The following C2CD3 variants were observed in gnomAD, a reference collection of about 807,000 sequenced individuals.
C2CD3 encodes C2 domain-containing protein 3.
In C2CD3, 148 loss-of-function variants were observed where a neutral mutation model predicts 234.0. The ratio of observed to expected loss-of-function variants is 0.63; its 90% CI spans 0.55 to 0.72. The LOEUF (loss-of-function observed/expected upper bound fraction) is 0.72. C2CD3 is among the 30% of genes least tolerant of loss of function. The pLI is 0.00. For synonymous variants in C2CD3, 1,000 were observed against 1,035.4 expected (o/e 0.97, Z 0.66); for missense variants, 2,577 against 2,811.5 (o/e 0.92, Z 1.89).
At position 74,034,244 on chromosome 11, in the gene C2CD3, A is replaced by G; in HGVS notation, c.5916T>C (p.Ala1972=). 6.5e-7 allele frequency: 1 copy of G among 1,536,006 alleles called. No homozygotes were observed. The highest frequency in any genetic ancestry group is 8.7e-7 in the Non-Finnish European group (1 of 1,146,826). Residue 1972 remains alanine, a synonymous_variant, in exon 31 of 33, where the codon GCT becomes GCC. Coordinates refer to ENST00000334126, the MANE Select transcript of C2CD3 (RefSeq NM_001286577.2). The part of the protein sequence containing the change: ...LQTITRDSQA[A]LSSHRARSRS... ...TACTCCTGGCTCGGTGAGAACTCAAAGCTGCTTGCGAATCCCTGGTGATAG... is the reference window on the plus strand; with the variant it reads ...TACTCCTGGCTCGGTGAGAACTCAAGGCTGCTTGCGAATCCCTGGTGATAG...
At chr11:74,035,363 C>T (rs996110673) in intron 30 of C2CD3, among the ~76,000 whole-genome samples, 1 of 152,184 alleles carries the variant, frequency 6.6e-6, no homozygotes, top group Non-Finnish European at 1.5e-5. Flanking sequence ...TAAACTTGCC[C>T]AGCCTTCAAG....
chr11:74,072,953 T>C (rs73559807), intron 24 of C2CD3, among the ~76,000 whole-genome samples: 2,661 of 152,200 alleles, frequency 0.017, 79 homozygotes, highest in African/African-American at 0.061. Flanking sequence ...AGGGGGCCTT[T>C]ATATTGGGAA....
intron 30 of C2CD3, among the ~76,000 whole-genome samples, chr11:74,036,916 G>T (rs1007905178): frequency 3.3e-5 from 5 of 152,144 alleles, no homozygotes; most frequent in Non-Finnish European, 7.4e-5. Context: ...TGGGCATGGG[G>T]TTTTTTAAAA....
Position 74,078,607 on chromosome 11 carries a change from G to C in C2CD3, c.4111C>G (p.His1371Asp). 1 of 1,614,184 alleles carries C rather than the reference G, an allele frequency of 6.2e-7. No individual in the cohort carries two copies. The highest frequency in any genetic ancestry group is 8.5e-7 in the Non-Finnish European group (1 of 1,180,026). ...AACACCCGTTCTCTATCTCCACGAT[G>C]CGTGAAGGAAATCGAAAGCTCCAGA... The part of the protein sequence containing the change: ...GGLELSISFT[H>D]RGDRERVLEA... Residue 1371 changes from histidine to aspartate, a missense_variant, in exon 23 of 33, where the codon CAT becomes GAT. By Grantham distance (81) the His-to-Asp change is moderately conservative. Transcript: ENST00000334126.
At chr11:74,110,173 C>A (rs1282979958) in intron 11 of C2CD3, among the ~76,000 whole-genome samples, 1 of 145,908 alleles carries the variant, frequency 6.9e-6, no homozygotes, top group East Asian at 1.9e-4. Flanking sequence ...AGTTCTAATA[C>A]TTACTATTAC....
chr11:74,042,671 T>C (rs1953128842), intron 28 of C2CD3, among the ~76,000 whole-genome samples: 1 of 151,800 alleles, frequency 6.6e-6, no homozygotes. Flanking sequence ...GAGAATCACT[T>C]GAACCTGGGA....
chr11:74,122,916 CA>C, intron 8 of C2CD3, 71 bp downstream of exon 8: 1 of 1,264,554 alleles, frequency 7.9e-7, no homozygotes, highest in Admixed American at 1.8e-5. Flanking sequence ...GCATAGCTGT[CA>C]TGCCTGCAGC....
intron 14 of C2CD3, among the ~76,000 whole-genome samples, chr11:74,101,877 A>T (rs2135494922): frequency 6.6e-6 from 1 of 152,194 alleles, no homozygotes; most frequent in South Asian, 2.1e-4. Context: ...GATGCCAAGG[A>T]TTTACATTCC....
Position 74,100,619 on chromosome 11 carries a change from C to T in C2CD3, c.2638G>A (p.Val880Ile), listed in dbSNP as rs146497546. ...YLERLKNNVM[V>I]IETWNKVRSP... ...CGCACCTTATTCCAAGTTTCAATTA[C>T]CATCACATTGTTCTTAAGCCTTTCC... Residue 880 changes from valine (V) to isoleucine (I), a missense_variant, in exon 15 of 33, where the codon GTA becomes ATA. Transcript: ENST00000334126. 11 of 1,613,850 alleles carry T rather than the reference C, an allele frequency of 6.8e-6. No homozygotes were observed. In the African/African-American group the frequency reaches 1.5e-4, roughly 22 times the overall value.
chr11:74,074,110 G>C, intron 24 of C2CD3, 143 bp downstream of exon 24: 2 of 678,414 alleles, frequency 2.9e-6, no homozygotes, highest in Non-Finnish European at 4.9e-6. Context: ...AAGCTTTCAT[G>C]TTGCTTAAAC....
intron 32 of C2CD3, among the ~76,000 whole-genome samples, chr11:74,020,147 A>G (rs1591262264): frequency 6.6e-6 from 1 of 152,370 alleles, no homozygotes; most frequent in East Asian, 1.9e-4. Context: ...TGGGCTTAAC[A>G]CAGGAAGGCA....
chr11:74,148,027 T>C (rs1855335337), intron 3 of C2CD3, among the ~76,000 whole-genome samples: 1 of 147,136 alleles, frequency 6.8e-6, no homozygotes, highest in South Asian at 2.1e-4. Context: ...TCTTAAATTT[T>C]ACAAATGTCT....
chr11:74,144,315 G>A (rs777888117), intron 3 of C2CD3, among the ~76,000 whole-genome samples: 4 of 152,132 alleles, frequency 2.6e-5, no homozygotes, highest in African/African-American at 4.8e-5. Context: ...ATGCAGAAAT[G>A]GCCTGCTGTA....
intron 7 of C2CD3, among the ~76,000 whole-genome samples, chr11:74,126,207 AC>A (rs1229439319): frequency 6.6e-5 from 10 of 152,230 alleles, no homozygotes; most frequent in Non-Finnish European, 1.5e-4. Flanking sequence ...ACATTTCTGC[AC>A]TGAATTCCAA....
chr11:74,164,260 G>C (rs916513600), intron 2 of C2CD3: 1 of 966,404 alleles, frequency 1.0e-6, no homozygotes. Flanking sequence ...ATCAAAGACA[G>C]GTAAAAATCA....
At chr11:74,117,583 T>C (rs942595563) in intron 9 of C2CD3, among the ~76,000 whole-genome samples, 1 of 151,430 alleles carries the variant, frequency 6.6e-6, no homozygotes, top group African/African-American at 2.4e-5. Flanking sequence ...CTTTGGAAAC[T>C]GAGGGCAAGA....
At chr11:74,061,930 C>T (rs963209280) in intron 24 of C2CD3, among the ~76,000 whole-genome samples, 5 of 151,960 alleles carry the variant, frequency 3.3e-5, no homozygotes, top group African/African-American at 1.2e-4. Flanking sequence ...GGAGGAAGAT[C>T]TACCAAGCAA....
In C2CD3 at chr11:74,078,406, G is replaced by A. The variant is rs201120205; in HGVS notation, c.4312C>T (p.Arg1438Cys). The A allele has an allele frequency of 1.8e-5, 29 of 1,614,142 alleles. No homozygotes were observed. The East Asian group carries it at 3.1e-4, about 17-fold the overall frequency. Reference protein sequence around the residue: ...HIHKNTYCYLRYKFYDHEAFW... With the variant: ...HIHKNTYCYLCYKFYDHEAFW... The stretch of plus-strand genomic sequence containing the variant: ...GCTTCATGATCATAGAACTTGTAGC[G>A]AAGGTAGCAATATGTATTCTTATGA... The change falls in exon 23 of 33, where the codon CGC (arginine) becomes TGC (cysteine). Residue 1438 changes from arginine to cysteine, a missense_variant. By Grantham distance (180) the Arg-to-Cys change is radical. Transcript: ENST00000334126.
chr11:74,046,271 C>A (rs58358133), intron 28 of C2CD3, among the ~76,000 whole-genome samples: 3,643 of 152,298 alleles, frequency 0.024, 112 homozygotes, highest in African/African-American at 0.072. Context: ...TAGGCAACCA[C>A]TGATTTGCTT....
Sources: allele counts gnomAD v4.1 joint callset (sites outside exome capture counted in the v4.1 genomes callset), GRCh38; gene constraint gnomAD v4.1.1; transcripts MANE v1.5; gene names NCBI Gene and HGNC (gene_info 2026-07-23, HGNC 2026-07-21).